The following BAAT variants were observed in gnomAD, a reference collection of about 807,000 sequenced individuals.
BAAT encodes bile acid CoA: amino acid N-acyltransferase (glycine N-choloyltransferase).
In BAAT, 13 loss-of-function variants were observed where a neutral mutation model predicts 18.9. The ratio of observed to expected loss-of-function variants is 0.69; its 90% CI spans 0.45 to 1.10. The LOEUF (loss-of-function observed/expected upper bound fraction) is 1.10, where lower values mean the gene tolerates loss of function less well. Among genes scored for constraint, BAAT ranks in the 50% least tolerant of loss-of-function variants. BAAT has a pLI of 0.00. For synonymous variants in BAAT, 170 were observed against 190.7 expected, an observed-to-expected ratio of 0.89 and a Z score of 0.89; for missense variants, 489 against 504.0, an observed-to-expected ratio of 0.97 and a Z score of 0.28.
Position 101,362,143 on chromosome 9 carries a change from C to T in BAAT, c.*285G>A. The T allele has an allele frequency of 2.0e-6, 1 of 494,292 alleles. No homozygotes were observed. The highest frequency in any genetic ancestry group is 3.6e-5 in the East Asian group (1 of 27,622). 30.6% of individuals were successfully genotyped at this position (494,292 alleles called of 1,614,324 possible). ...CTTGTTTGCCTTTTCTTATTTTTGC[C>T]AGTGTACTATACCTCAGTCCTATTT... On this transcript the variant is annotated 3_prime_UTR_variant, in exon 4 of 4. Coordinates refer to ENST00000259407, the MANE Select transcript of BAAT (RefSeq NM_001701.4).
At chr9:101,372,082 A>G (rs747513905) in intron 1 of BAAT, among the ~76,000 whole-genome samples, 1 of 152,146 alleles carries the variant, frequency 6.6e-6, no homozygotes, top group African/African-American at 2.4e-5. Flanking sequence ...CATGTTCTCA[A>G]TTATAAGTGG....
At chr9:101,383,841 G>C (rs1247635143) in intron 1 of BAAT, among the ~76,000 whole-genome samples, 1 of 152,094 alleles carries the variant, frequency 6.6e-6, no homozygotes, top group Non-Finnish European at 1.5e-5. Context: ...GTAACTTCTG[G>C]AGGGCTCTGC....
chr9:101,382,193 C>A (rs1830144317), intron 1 of BAAT, among the ~76,000 whole-genome samples: 1 of 152,146 alleles, frequency 6.6e-6, no homozygotes, highest in East Asian at 1.9e-4. Context: ...TGGTCACAGC[C>A]AGCACCAGGG....
intron 1 of BAAT, among the ~76,000 whole-genome samples, chr9:101,379,427 A>G (rs1258676658): frequency 6.6e-6 from 1 of 152,254 alleles, no homozygotes; most frequent in Admixed American, 6.5e-5. Context: ...AAGGCTTTAA[A>G]AAAATCTGAG....
chr9:101,379,750 C>T (rs534446704), intron 1 of BAAT, among the ~76,000 whole-genome samples: 18 of 152,270 alleles, frequency 1.2e-4, no homozygotes, highest in African/African-American at 3.6e-4. Context: ...AAGACAAACC[C>T]GGTTTTAATT....
Position 101,362,130 on chromosome 9 carries a change from T to C in BAAT, c.*298A>G. On this transcript the variant is annotated 3_prime_UTR_variant, in exon 4 of 4. Coordinates refer to ENST00000259407, the MANE Select transcript of BAAT (RefSeq NM_001701.4). ...CTTTGGTGCTATTCTTGTTTGCCTT[T>C]TCTTATTTTTGCCAGTGTACTATAC... 1 of 476,390 alleles carries C rather than the reference T, an allele frequency of 2.1e-6. No homozygotes were observed. The highest frequency in any genetic ancestry group is 3.7e-6 in the Non-Finnish European group (1 of 267,324). 29.5% of individuals were successfully genotyped at this position (476,390 alleles called of 1,614,324 possible).
chr9:101,373,382 C>T (rs1829989520), intron 1 of BAAT, among the ~76,000 whole-genome samples: 1 of 152,058 alleles, frequency 6.6e-6, no homozygotes, highest in Admixed American at 6.6e-5. Context: ...GACTGACTTC[C>T]AAAAATCCCT....
chr9:101,376,476 T>G (rs542865844), intron 1 of BAAT: 1 of 153,492 alleles, frequency 6.5e-6, no homozygotes, highest in East Asian at 1.9e-4. Flanking sequence ...CTTTCCTCCC[T>G]GTCAATTTAG....
At chr9:101,375,629 G>C (rs1830026648) in intron 1 of BAAT, 1 of 161,982 alleles carries the variant, frequency 6.2e-6, no homozygotes, top group African/African-American at 2.4e-5. Flanking sequence ...TGTGGTGAAA[G>C]TGAGACAGCC....
At chr9:101,363,920 G>A (rs916852349) in intron 3 of BAAT, among the ~76,000 whole-genome samples, 1 of 152,144 alleles carries the variant, frequency 6.6e-6, no homozygotes, top group African/African-American at 2.4e-5. Context: ...GAGGTGGAAG[G>A]ATCACTTGAG....
intron 2 of BAAT, 105 bp from the exon 3 acceptor site, chr9:101,368,427 A>T: frequency 1.0e-6 from 1 of 1,001,802 alleles, no homozygotes; most frequent in Non-Finnish European, 1.5e-6. Flanking sequence ...AATAAAAGAT[A>T]AAATAAATAA....
chr9:101,363,384 G>A (rs996198529), intron 3 of BAAT, among the ~76,000 whole-genome samples: 1 of 152,138 alleles, frequency 6.6e-6, no homozygotes, highest in African/African-American at 2.4e-5. Flanking sequence ...GCACCTTGTA[G>A]GAAGAGACTG....
At position 101,362,525 on chromosome 9, in the gene BAAT, T is replaced by A. The variant is rs1829745818; in HGVS notation, c.1160A>T (p.Glu387Val). The change falls in exon 4 of 4, where the codon GAG becomes GTG. Residue 387 changes from glutamate to valine, a missense_variant. Physicochemically the swap from Glu to Val is moderately radical, Grantham distance 121. Transcript: ENST00000259407. ...CTGTGCAGCTGCGTGTGGGATCACCTCTCCTCCCCAGTGTAACCTCAAATC... is the reference window on the plus strand; with the variant it reads ...CTGTGCAGCTGCGTGTGGGATCACCACTCCTCCCCAGTGTAACCTCAAATC... ...THDLRLHWGG[E>V]VIPHAAAQEH... 6.2e-7 allele frequency: 1 copy of A among 1,613,964 alleles called. No homozygotes were observed. Among genetic ancestry groups the A allele is most frequent in the Non-Finnish European group, 8.5e-7 (1 of 1,180,018 alleles).
Position 101,371,316 on chromosome 9 carries a change from A to G in BAAT, c.89T>C (p.Val30Ala). ...RATGLIPFQM[V>A]SFQASLEDEN... ...ATCTTCCAGTGATGCCTGAAAACTC[A>G]CCATCTGAAAGGGAATCAGGCCTGT... is the stretch of plus-strand genomic sequence containing the variant. The change falls in exon 2 of 4, where the codon GTG becomes GCG. Residue 30 changes from valine to alanine, a missense_variant. Physicochemically the swap from Val to Ala is moderately conservative, Grantham distance 64. Coordinates refer to ENST00000259407, the MANE Select transcript of BAAT (RefSeq NM_001701.4). 1 of 1,613,932 alleles carries G rather than the reference A, an allele frequency of 6.2e-7. No homozygotes were observed. Among genetic ancestry groups the G allele is most frequent in the South Asian group, 1.1e-5 (1 of 91,080 alleles).
Position 101,362,753 on chromosome 9 carries a change from A to C in BAAT, c.932T>G (p.Phe311Cys), listed in dbSNP as rs748062511. 5.0e-6 allele frequency: 8 copies of C among 1,614,086 alleles called. No individual in the cohort carries two copies. Among genetic ancestry groups the C allele is most frequent in the Middle Eastern group, 1.6e-4 (1 of 6,084 alleles). Residue 311 changes from phenylalanine to cysteine, a missense_variant, in exon 4 of 4, where the codon TTT (phenylalanine) becomes TGT (cysteine). Physicochemically the swap from Phe to Cys is radical, Grantham distance 205. Coordinates refer to ENST00000259407, the MANE Select transcript of BAAT (RefSeq NM_001701.4). ...TTQVGASQYLFPIEEAQGQFL... is the reference protein window; with the variant it reads ...TTQVGASQYLCPIEEAQGQFL... ...TTGCCCCTGGGCCTCTTCAATAGGA[A>C]ACAAATATTGACTGGCCCCAACTTG...
In BAAT at chr9:101,368,106, AAGAC is replaced by A; in HGVS notation, c.669+10_669+13del. On this transcript the variant is annotated intron_variant, in intron 3 of 3. Transcript: ENST00000259407. ...ACCCCAGGGACTCAAACCTACTGAA[AAGAC>A]AAAAATTACCTTTGGATGTCTCAGG... 1 of 1,611,100 alleles carries A rather than the reference AAGAC, an allele frequency of 6.2e-7. No homozygotes were observed. Among genetic ancestry groups the A allele is most frequent in the African/African-American group, 1.3e-5 (1 of 74,958 alleles).
rs773128969 is a variant in BAAT, at chr9:101,370,989, C to T, written c.416G>A (p.Arg139Gln). Residue 139 changes from arginine to glutamine, a missense_variant, in exon 2 of 4, where the codon CGA (arginine) becomes CAA (glutamine). Arg to Gln is a conservative substitution (Grantham distance 43). Transcript: ENST00000259407. ...AAGGCGGCCTTCTCGAACCTTAATT[C>T]GTGTGACACCAGGTGCCACATACCA... Reference protein sequence around the residue: ...ERWYVAPGVTRIKVREGRLRG... With the variant: ...ERWYVAPGVTQIKVREGRLRG... 4 of 1,614,084 alleles carry T rather than the reference C, an allele frequency of 2.5e-6. No individual in the cohort carries two copies. Among genetic ancestry groups the T allele is most frequent in the South Asian group, 1.1e-5 (1 of 91,072 alleles).
chr9:101,369,036 C>A (rs183247174), intron 2 of BAAT, among the ~76,000 whole-genome samples: 1 of 152,120 alleles, frequency 6.6e-6, no homozygotes, highest in Non-Finnish European at 1.5e-5. Flanking sequence ...TTTTTGCAGG[C>A]TGACACGTGG....
chr9:101,374,057 G>T lies in BAAT; in HGVS notation c.-59-2594C>A, dbSNP rs538583849. 7.2e-5 allele frequency among the ~76,000 whole-genome samples: 11 copies of T among 152,054 alleles called. 1 individual carries two copies. In the South Asian group the frequency reaches 2.1e-3, roughly 29 times the overall value. ...TTTCAAATAAAGTTTAGGACTTTAC[G>T]CCTATTAATTTTACTATCAAAATGT... is the stretch of plus-strand genomic sequence containing the variant. On this transcript the variant is annotated intron_variant, in intron 1 of 3. Coordinates refer to ENST00000259407, the MANE Select transcript of BAAT (RefSeq NM_001701.4).
Sources: allele counts gnomAD v4.1 joint callset (sites outside exome capture counted in the v4.1 genomes callset), GRCh38; gene constraint gnomAD v4.1.1; transcripts MANE v1.5; gene names NCBI Gene and HGNC (gene_info 2026-07-23, HGNC 2026-07-21).